NYAP2: variants seen among roughly 807,000 people sequenced by gnomAD.
NYAP2 encodes neuronal tyrosine-phosphorylated phosphoinositide-3-kinase adapter 2.
A neutral mutation model predicts 50.4 loss-of-function variants in NYAP2; 23 were observed. The observed-to-expected ratio is 0.46, with a 90% CI of 0.33 to 0.65. The LOEUF is 0.65. Ranked by LOEUF, NYAP2 falls within the 30% of genes least tolerant of loss-of-function variation. The pLI is 0.02. For missense variants in NYAP2, 885 were observed against 861.0 expected (o/e 1.03, Z -0.35); for synonymous variants, 394 against 365.2 (o/e 1.08, Z -0.90).
intron 4 of NYAP2, among the ~76,000 whole-genome samples, chr2:225,534,664 A>G (rs982097818): frequency 2.0e-5 from 3 of 152,232 alleles, no homozygotes; most frequent in African/African-American, 7.2e-5. Context: ...AAAATATTGT[A>G]TCAGTCTAGG....
At chr2:225,651,326 G>C in intron 6 of NYAP2, 106 bp from the exon 7 acceptor site, 1 of 1,436,192 alleles carries the variant, frequency 7.0e-7, no homozygotes, top group Non-Finnish European at 9.8e-7. Flanking sequence ...GGAGCATTTT[G>C]TATATTCCAA....
At chr2:225,474,767 T>C (rs1690075606) in intron 3 of NYAP2, among the ~76,000 whole-genome samples, 1 of 152,252 alleles carries the variant, frequency 6.6e-6, no homozygotes, top group African/African-American at 2.4e-5. Context: ...CAAGGACAAT[T>C]TGACTTCCTC....
intron 6 of NYAP2, among the ~76,000 whole-genome samples, chr2:225,650,410 G>A (rs1243848317): frequency 1.3e-5 from 2 of 152,144 alleles, no homozygotes; most frequent in African/African-American, 2.4e-5. Flanking sequence ...ATTATTTAAA[G>A]CCAGTTGTTC....
At chr2:225,446,642 C>T (rs534960126) in intron 3 of NYAP2, among the ~76,000 whole-genome samples, 1 of 152,022 alleles carries the variant, frequency 6.6e-6, no homozygotes, top group Non-Finnish European at 1.5e-5. Context: ...TGGTGACAAT[C>T]TTTAGTGGTT....
chr2:225,620,500 C>A (rs547531609), intron 5 of NYAP2, among the ~76,000 whole-genome samples: 1 of 151,666 alleles, frequency 6.6e-6, no homozygotes, highest in South Asian at 2.1e-4. Flanking sequence ...CACACACGCA[C>A]GCACACACAC....
chr2:225,510,240 T>A (rs1690786963), intron 3 of NYAP2, among the ~76,000 whole-genome samples: 1 of 152,254 alleles, frequency 6.6e-6, no homozygotes, highest in South Asian at 2.1e-4. Flanking sequence ...ATAGGTTGTA[T>A]GTTTTCTCAT....
intron 5 of NYAP2, among the ~76,000 whole-genome samples, chr2:225,596,326 A>T (rs1692596538): frequency 6.6e-6 from 1 of 152,172 alleles, no homozygotes; most frequent in African/African-American, 2.4e-5. Flanking sequence ...CATATGACTG[A>T]CAGTGTTGTA....
At chr2:225,627,654 A>G (rs1693232385) in intron 6 of NYAP2, among the ~76,000 whole-genome samples, 1 of 152,246 alleles carries the variant, frequency 6.6e-6, no homozygotes. Context: ...AAATTCCCAA[A>G]TCTAAGTCAA....
the NYAP2 span, among the ~76,000 whole-genome samples, chr2:225,670,385 C>A: frequency 6.6e-6 from 1 of 152,030 alleles, no homozygotes; most frequent in African/African-American, 2.4e-5. Context: ...CAGTAAATTT[C>A]CATATTGGTG....
chr2:225,525,942 A>G (rs1157679600), intron 4 of NYAP2, among the ~76,000 whole-genome samples: 1 of 152,204 alleles, frequency 6.6e-6, no homozygotes. Context: ...GTGGTAAGGC[A>G]CATGGGCAGC....
intron 4 of NYAP2, among the ~76,000 whole-genome samples, chr2:225,564,172 G>A (rs1273481961): frequency 6.6e-6 from 1 of 151,998 alleles, no homozygotes; most frequent in Non-Finnish European, 1.5e-5. Flanking sequence ...GTCTCCTTGG[G>A]GATGTTGCTT....
chr2:225,552,227 G>T (rs1691690696), intron 4 of NYAP2, among the ~76,000 whole-genome samples: 1 of 152,006 alleles, frequency 6.6e-6, no homozygotes, highest in Non-Finnish European at 1.5e-5. Context: ...TCCTCTATTA[G>T]ACCATGCCCA....
chr2:225,460,687 C>T (rs552204465), intron 3 of NYAP2, among the ~76,000 whole-genome samples: 4 of 152,142 alleles, frequency 2.6e-5, no homozygotes, highest in Non-Finnish European at 5.9e-5. Flanking sequence ...GCTAGACCAT[C>T]GCTTTGGAAT....
At chr2:225,473,991 G>C (rs1020957368) in intron 3 of NYAP2, among the ~76,000 whole-genome samples, 1 of 152,172 alleles carries the variant, frequency 6.6e-6, no homozygotes, top group African/African-American at 2.4e-5. Context: ...TTTGTATAAG[G>C]TGTAAGGAAG....
chr2:225,582,805 G>A lies in NYAP2; in HGVS notation c.1388G>A (p.Gly463Asp). 6.2e-7 allele frequency: 1 copy of A among 1,613,874 alleles called. No homozygotes were observed. Among genetic ancestry groups the A allele is most frequent in the Non-Finnish European group, 8.5e-7 (1 of 1,179,892 alleles). ...CCCCCTTACGACGCTGTGCATTCGG[G>A]CAGCCTCTCAAGGAGCTCTCCTTCA... The change falls in exon 5 of 7, where the codon GGC (glycine) becomes GAC (aspartate). Residue 463 changes from glycine to aspartate, a missense_variant. Gly to Asp is a moderately conservative substitution (Grantham distance 94, BLOSUM62 -1). Coordinates refer to ENST00000636099, the Ensembl canonical transcript of NYAP2. This position sits in a 1 kb window ranked among gnomAD's most constrained non-coding sequence, Gnocchi z 7.0.
intron 4 of NYAP2, among the ~76,000 whole-genome samples, chr2:225,514,673 G>A (rs1040698615): frequency 6.6e-6 from 1 of 151,996 alleles, no homozygotes; most frequent in Non-Finnish European, 1.5e-5. Flanking sequence ...TTCTAATTTG[G>A]GGAGCACAAA....
chr2:225,429,452 A>G (rs976512853), intron 3 of NYAP2, among the ~76,000 whole-genome samples: 1 of 152,224 alleles, frequency 6.6e-6, no homozygotes, highest in African/African-American at 2.4e-5. Flanking sequence ...TATACCTGGA[A>G]TTCCTTGCAA....
At chr2:225,501,608 C>G (rs993517902) in intron 3 of NYAP2, among the ~76,000 whole-genome samples, 1 of 152,124 alleles carries the variant, frequency 6.6e-6, no homozygotes, top group Non-Finnish European at 1.5e-5. Flanking sequence ...AAACAGCATT[C>G]CATCATACAT....
chr2:225,540,353 G>T (rs1029831289), intron 4 of NYAP2, among the ~76,000 whole-genome samples: 12 of 152,292 alleles, frequency 7.9e-5, no homozygotes, highest in South Asian at 6.2e-4. Context: ...AAAAGAAAGA[G>T]TTTTATTGGA....
Sources: allele counts gnomAD v4.1 joint callset (sites outside exome capture counted in the v4.1 genomes callset), GRCh38; gene constraint gnomAD v4.1.1; non-coding constraint Gnocchi (gnomAD v3.1); transcripts MANE v1.5; gene names NCBI Gene and HGNC (gene_info 2026-07-23, HGNC 2026-07-21).